TEAD1: variants seen among roughly 807,000 people sequenced by gnomAD.
The protein encoded by TEAD1 is TEA domain transcription factor 1, also known as transcriptional enhancer factor TEF-1.
A neutral mutation model predicts 54.9 loss-of-function variants in TEAD1; 9 were observed. The observed-to-expected ratio is 0.16, with a 90% CI of 0.10 to 0.29. The LOEUF (loss-of-function observed/expected upper bound fraction) is 0.29. Ranked by LOEUF, TEAD1 falls within the 10% of genes least tolerant of loss-of-function variation. TEAD1 has a pLI of 1.00. For missense variants in TEAD1, 387 were observed against 535.9 expected, an observed-to-expected ratio of 0.72 and a Z score of 2.74; for synonymous variants, 200 against 187.8, an observed-to-expected ratio of 1.07 and a Z score of -0.53.
chr11:12,677,052 A>G (rs1943109195), intron 2 of TEAD1, among the ~76,000 whole-genome samples: 1 of 152,142 alleles, frequency 6.6e-6, no homozygotes, highest in Non-Finnish European at 1.5e-5. Flanking sequence ...ATGGGTAAAG[A>G]AAATTATAGG....
chr11:12,864,615 CTTTTT>C lies in TEAD1; in HGVS notation c.268-221_268-217del, dbSNP rs1348440750. 256 of 911,154 alleles carry C rather than the reference CTTTTT, an allele frequency of 2.8e-4. 2 individuals are homozygous for C. Among genetic ancestry groups the C allele is most frequent in the Middle Eastern group, 7.7e-4 (2 of 2,586 alleles). The allele number at this position is 911,154 out of a possible 1,614,324, so 56.4% of individuals were successfully genotyped here. The stretch of plus-strand genomic sequence containing the variant: ...GAGTAGCGATTTTATATTTGATTTC[CTTTTT>C]TGTTTTGTTTTGTTTTGTTTTGTTT... On this transcript the variant is annotated intron_variant, in intron 4 of 12. Transcript: ENST00000527636.
intron 11 of TEAD1, among the ~76,000 whole-genome samples, chr11:12,925,971 C>T (rs1235766112): frequency 1.3e-5 from 2 of 152,024 alleles, no homozygotes; most frequent in Non-Finnish European, 2.9e-5. Flanking sequence ...TGTTTCATAC[C>T]TTCCTCCCTT....
chr11:12,681,045 A>G lies in TEAD1; in HGVS notation c.-55+5484A>G, dbSNP rs781258489. 2.3e-4 allele frequency among the ~76,000 whole-genome samples: 35 copies of G among 152,242 alleles called. No homozygotes were observed. In the East Asian group the frequency reaches 2.3e-3, roughly 10 times the overall value. The stretch of plus-strand genomic sequence containing the variant: ...GCTTCCTTTGGTGGAATCTCTTTCA[A>G]TCCTTTCTCCCTGGCTGCCTTTTCA... On this transcript the variant is annotated intron_variant, in intron 2 of 12. Transcript: ENST00000527636.
Position 12,902,782 on chromosome 11 carries a change from T to C in TEAD1, c.873+669T>C, listed in dbSNP as rs556150058. 1.7e-3 allele frequency among the ~76,000 whole-genome samples: 262 copies of C among 152,228 alleles called. 1 individual carries two copies. The highest frequency in any genetic ancestry group is 6.2e-3 in the African/African-American group (257 of 41,530). ...GACCTGGTTCCAGGGTAGCTTCCTCTTGTGTCCTGCCAAACCCCTGTTGCC... is the reference window on the plus strand; with the variant it reads ...GACCTGGTTCCAGGGTAGCTTCCTCCTGTGTCCTGCCAAACCCCTGTTGCC... On this transcript the variant is annotated intron_variant, in intron 10 of 12. Transcript: ENST00000527636.
At chr11:12,901,850 G>A in intron 9 of TEAD1, 90 bp from the exon 10 acceptor site, 1 of 1,526,382 alleles carries the variant, frequency 6.6e-7, no homozygotes, top group South Asian at 1.1e-5. Flanking sequence ...CAGAATTTTG[G>A]TACTACTGCT....
chr11:12,743,544 A>G (rs1419528300), intron 2 of TEAD1, among the ~76,000 whole-genome samples: 1 of 152,198 alleles, frequency 6.6e-6, no homozygotes, highest in Non-Finnish European at 1.5e-5. Context: ...AGCCCATCTC[A>G]CTATGCTTTG....
intron 2 of TEAD1, among the ~76,000 whole-genome samples, chr11:12,738,135 C>T (rs1038261114): frequency 3.9e-5 from 6 of 152,118 alleles, no homozygotes; most frequent in African/African-American, 1.4e-4. Context: ...AGCTACGATT[C>T]AAGATGAGAT....
At chr11:12,870,846 G>C (rs555026584) in intron 5 of TEAD1, among the ~76,000 whole-genome samples, 2 of 152,212 alleles carry the variant, frequency 1.3e-5, no homozygotes, top group African/African-American at 4.8e-5. Flanking sequence ...AGATTGTACT[G>C]CTGTACCCCA....
chr11:12,903,965 G>A (rs1948468498), intron 10 of TEAD1, among the ~76,000 whole-genome samples: 1 of 152,188 alleles, frequency 6.6e-6, no homozygotes, highest in African/African-American at 2.4e-5. Flanking sequence ...GATGGTGGTT[G>A]GAGATCAGTT....
intron 9 of TEAD1, among the ~76,000 whole-genome samples, chr11:12,884,103 T>C (rs1470687201): frequency 6.6e-6 from 1 of 152,074 alleles, no homozygotes; most frequent in Non-Finnish European, 1.5e-5. Flanking sequence ...CTGGACTCTA[T>C]TTGTCACTTT....
chr11:12,879,637 G>A, intron 5 of TEAD1, 71 bp from the exon 6 acceptor site: 1 of 1,599,534 alleles, frequency 6.3e-7, no homozygotes, highest in Non-Finnish European at 8.6e-7. Flanking sequence ...TGTGCTCGTG[G>A]CTGTGCCTGT....
At chr11:12,874,818 G>T (rs576168048) in intron 5 of TEAD1, among the ~76,000 whole-genome samples, 5 of 152,164 alleles carry the variant, frequency 3.3e-5, no homozygotes, top group African/African-American at 1.2e-4. Flanking sequence ...GCTTGGGTTG[G>T]GGTTCAGTTG....
intron 5 of TEAD1, among the ~76,000 whole-genome samples, chr11:12,876,928 A>G (rs1947864043): frequency 6.6e-6 from 1 of 152,220 alleles, no homozygotes. Context: ...AATAGCCAAC[A>G]GTAGATTGCC....
chr11:12,740,296 C>T, intron 2 of TEAD1, among the ~76,000 whole-genome samples: 1 of 152,144 alleles, frequency 6.6e-6, no homozygotes, highest in Non-Finnish European at 1.5e-5. Flanking sequence ...TCAGGACATA[C>T]AAAGTGCTTA....
chr11:12,864,771 T>TA, intron 4 of TEAD1, 67 bp from the exon 5 acceptor site: 1 of 1,613,134 alleles, frequency 6.2e-7, no homozygotes, highest in Non-Finnish European at 8.5e-7. Context: ...TGCCCACTTG[T>TA]AGGGGGCTTT....
At chr11:12,746,704 C>T (rs545435334) in intron 2 of TEAD1, among the ~76,000 whole-genome samples, 3 of 152,304 alleles carry the variant, frequency 2.0e-5, no homozygotes, top group East Asian at 1.9e-4. Flanking sequence ...ACACTTGGCC[C>T]GCATGCGTGG....
chr11:12,776,093 G>A (rs1186642897), intron 3 of TEAD1, among the ~76,000 whole-genome samples: 1 of 152,172 alleles, frequency 6.6e-6, no homozygotes, highest in Non-Finnish European at 1.5e-5. Context: ...TCAGGGGACA[G>A]GTGGTCAGAG....
At chr11:12,794,601 TCTC>T (rs1945874260) in intron 3 of TEAD1, among the ~76,000 whole-genome samples, 1 of 152,126 alleles carries the variant, frequency 6.6e-6, no homozygotes, top group Non-Finnish European at 1.5e-5. Context: ...TTTGACATCA[TCTC>T]CTAACGCAGT....
At chr11:12,842,717 A>G (rs964010783) in intron 3 of TEAD1, among the ~76,000 whole-genome samples, 1 of 152,136 alleles carries the variant, frequency 6.6e-6, no homozygotes, top group African/African-American at 2.4e-5. Flanking sequence ...GCCTTGTCCA[A>G]TAAGTGAATT....
Sources: gnomAD v4.1 joint callset for allele counts (sites outside exome capture counted in the v4.1 genomes callset) on GRCh38, gnomAD v4.1.1 for gene constraint, MANE v1.5 for transcripts, NCBI Gene and HGNC (gene_info 2026-07-23, HGNC 2026-07-21) for gene names.